NAV3: variants seen among roughly 807,000 people sequenced by gnomAD.
NAV3 encodes neuron navigator 3, also known as pore membrane and/or filament interacting like protein 1.
A neutral mutation model predicts 244.7 loss-of-function variants in NAV3; 87 were observed. That is an observed-to-expected ratio of 0.36 (90% CI 0.30 to 0.42). The LOEUF is 0.42. NAV3 is among the 20% of genes least tolerant of loss of function. NAV3 has a pLI of 1.00. For synonymous variants in NAV3, 1,126 were observed against 1,042.2 expected (o/e 1.08, Z -1.55); for missense variants, 2,663 against 2,893.3 (o/e 0.92, Z 1.83).
intron 12 of NAV3, among the ~76,000 whole-genome samples, chr12:78,069,103 G>A (rs767484907): frequency 6.6e-6 from 1 of 151,790 alleles, no homozygotes; most frequent in Non-Finnish European, 1.5e-5. Flanking sequence ...AGAGTGGGTG[G>A]CATGGACTTA....
chr12:77,989,317 G>A (rs1486347434), intron 5 of NAV3, among the ~76,000 whole-genome samples: 1 of 152,132 alleles, frequency 6.6e-6, no homozygotes, highest in African/African-American at 2.4e-5. Flanking sequence ...ATTAACAAAT[G>A]TCTCACTAAC....
chr12:77,930,682 T>A (rs1888697826), intron 1 of NAV3, among the ~76,000 whole-genome samples: 1 of 152,190 alleles, frequency 6.6e-6, no homozygotes, highest in Admixed American at 6.5e-5. Flanking sequence ...TGGTCACCTG[T>A]TTGTTGGATT....
intron 2 of NAV3, among the ~76,000 whole-genome samples, chr12:77,586,208 T>G (rs1869607487): frequency 6.6e-6 from 1 of 152,182 alleles, no homozygotes; most frequent in African/African-American, 2.4e-5. Context: ...TTACACTGAT[T>G]AATTGCTCCT....
intron 34 of NAV3, among the ~76,000 whole-genome samples, chr12:78,195,156 A>G (rs1344193765): frequency 1.3e-5 from 2 of 151,998 alleles, no homozygotes; most frequent in Non-Finnish European, 2.9e-5. Context: ...GCAAACAAAC[A>G]TATCAATGTT....
At chr12:77,984,569 G>A (rs1166784306) in intron 5 of NAV3, among the ~76,000 whole-genome samples, 1 of 151,512 alleles carries the variant, frequency 6.6e-6, no homozygotes, top group Non-Finnish European at 1.5e-5. Context: ...AAGCCTTTAG[G>A]TAGATGTCAT....
chr12:77,761,446 A>G (rs1358194098), intron 2 of NAV3, among the ~76,000 whole-genome samples: 5 of 152,304 alleles, frequency 3.3e-5, no homozygotes, highest in African/African-American at 1.2e-4. Context: ...AAATTCTCTT[A>G]TCATGGAAAA....
chr12:77,659,352 T>A (rs1369209346), intron 2 of NAV3, among the ~76,000 whole-genome samples: 3 of 151,824 alleles, frequency 2.0e-5, no homozygotes, highest in Non-Finnish European at 4.4e-5. Context: ...AAAAAACACA[T>A]GAAAAAATGC....
chr12:77,583,575 G>T (rs567246742), intron 2 of NAV3, among the ~76,000 whole-genome samples: 2 of 152,210 alleles, frequency 1.3e-5, no homozygotes, highest in Non-Finnish European at 2.9e-5. Flanking sequence ...ACAAAATGAG[G>T]ATAAATAAAG....
chr12:77,746,707 A>G (rs1321263128), intron 2 of NAV3, among the ~76,000 whole-genome samples: 1 of 152,180 alleles, frequency 6.6e-6, no homozygotes. Flanking sequence ...ATGACTTTGA[A>G]TACAGAAAGC....
intron 9 of NAV3, among the ~76,000 whole-genome samples, chr12:78,025,486 C>T (rs926169383): frequency 2.8e-5 from 4 of 145,344 alleles, no homozygotes; most frequent in African/African-American, 7.6e-5. Context: ...GTCCCAGATA[C>T]TTGGGAGGCT....
intron 2 of NAV3, among the ~76,000 whole-genome samples, chr12:77,723,827 T>G (rs1305265390): frequency 6.7e-6 from 1 of 150,116 alleles, no homozygotes; most frequent in African/African-American, 2.4e-5. Context: ...TTGTTCTATT[T>G]CAACCTTCTG....
chr12:77,659,215 C>A (rs928794230), intron 2 of NAV3, among the ~76,000 whole-genome samples: 1 of 151,360 alleles, frequency 6.6e-6, no homozygotes, highest in Non-Finnish European at 1.5e-5. Context: ...ACTCGTCTGA[C>A]AAAGGGCTAA....
At chr12:78,027,887 G>A (rs1405380932) in intron 9 of NAV3, among the ~76,000 whole-genome samples, 3 of 152,080 alleles carry the variant, frequency 2.0e-5, no homozygotes, top group Non-Finnish European at 4.4e-5. Context: ...TGTTGAAAAT[G>A]TCAAAAAGGC....
At chr12:77,921,463 C>T (rs1447307922) in intron 1 of NAV3, among the ~76,000 whole-genome samples, 1 of 151,974 alleles carries the variant, frequency 6.6e-6, no homozygotes, top group African/African-American at 2.4e-5. Context: ...TAAACGTTGG[C>T]AGCCTGGAAT....
chr12:77,657,322 C>T (rs1873166787), intron 2 of NAV3, among the ~76,000 whole-genome samples: 1 of 152,250 alleles, frequency 6.6e-6, no homozygotes, highest in African/African-American at 2.4e-5. Context: ...GAGAATACTA[C>T]AAACACCTCT....
upstream of NAV3, among the ~76,000 whole-genome samples, chr12:77,828,901 T>G (rs1168634855): frequency 6.6e-6 from 1 of 152,208 alleles, no homozygotes; most frequent in African/African-American, 2.4e-5. Context: ...TGAGCTCATT[T>G]GTAATTGGCA....
chr12:77,691,344 T>C (rs1227561026), intron 2 of NAV3, among the ~76,000 whole-genome samples: 1 of 134,670 alleles, frequency 7.4e-6, no homozygotes, highest in African/African-American at 2.7e-5. Flanking sequence ...TGTGTATATA[T>C]ATATATATAT....
intron 1 of NAV3, among the ~76,000 whole-genome samples, chr12:77,870,260 G>A (rs2136443678): frequency 6.6e-6 from 1 of 151,558 alleles, no homozygotes; most frequent in African/African-American, 2.4e-5. Flanking sequence ...AGCTACTTGG[G>A]AGGCTGAGGC....
rs1877214460 is a variant in NAV3 at position 78,021,881 on chromosome 12, G to A, written c.2023+19G>A. On this transcript the variant is annotated intron_variant, in intron 9 of 39. Transcript: ENST00000397909. ...ATATCTGGTAAGTGACCTCATCGATGCATAGGTCAAACCTAGGAATTTCCG... is the reference window on the plus strand; with the variant it reads ...ATATCTGGTAAGTGACCTCATCGATACATAGGTCAAACCTAGGAATTTCCG... 2.0e-6 allele frequency: 3 copies of A among 1,491,782 alleles called. No individual in the cohort carries two copies. The highest frequency in any genetic ancestry group is 2.8e-6 in the Non-Finnish European group (3 of 1,079,190). The allele number at this position is 1,491,782 out of a possible 1,614,324, so 92.4% of individuals were successfully genotyped here.
Sources: gnomAD v4.1 joint callset for allele counts (sites outside exome capture counted in the v4.1 genomes callset) on GRCh38, gnomAD v4.1.1 for gene constraint, MANE v1.5 for transcripts, NCBI Gene and HGNC (gene_info 2026-07-23, HGNC 2026-07-21) for gene names.